The following TBC1D30 variants were observed in gnomAD, a reference collection of about 807,000 sequenced individuals.
The protein encoded by TBC1D30 is TBC1 domain family member 30, also known as TBC1 domain family, member 30.
A neutral mutation model predicts 63.2 loss-of-function variants in TBC1D30; 31 were observed. The ratio of observed to expected loss-of-function variants is 0.49; its 90% CI spans 0.37 to 0.66. TBC1D30 has a LOEUF of 0.66. Among genes scored for constraint, TBC1D30 ranks in the 30% least tolerant of loss-of-function variants. The probability of loss-of-function intolerance (pLI) is 0.00; values close to 1 mark genes in which losing one functional copy is unlikely to be tolerated. For synonymous variants in TBC1D30, 307 were observed against 361.5 expected (o/e 0.85, Z 1.71); for missense variants, 810 against 953.6 (o/e 0.85, Z 1.98).
intron 1 of TBC1D30, among the ~76,000 whole-genome samples, chr12:64,761,156 T>C (rs1592516695): frequency 6.6e-6 from 1 of 152,240 alleles, no homozygotes; most frequent in Non-Finnish European, 1.5e-5. Context: ...GAATAACTAA[T>C]CCTTCTGTAT....
chr12:64,860,200 T>C (rs1458036175), intron 8 of TBC1D30, among the ~76,000 whole-genome samples: 1 of 152,094 alleles, frequency 6.6e-6, no homozygotes, highest in Admixed American at 6.6e-5. Context: ...AAATTTTTTG[T>C]AGAGATGGGG....
chr12:64,795,134 A>T (rs1055927539), intron 2 of TBC1D30, among the ~76,000 whole-genome samples: 1 of 152,054 alleles, frequency 6.6e-6, no homozygotes, highest in Admixed American at 6.5e-5. Context: ...ATTGACTTTG[A>T]GCTTCATTGA....
intron 8 of TBC1D30, among the ~76,000 whole-genome samples, chr12:64,862,229 CCT>C (rs950592228): frequency 6.6e-6 from 1 of 152,072 alleles, no homozygotes; most frequent in African/African-American, 2.4e-5. Flanking sequence ...TTTCCGACAC[CCT>C]GAGTGCTATG....
At chr12:64,831,006 A>C (rs1332314754) in intron 4 of TBC1D30, among the ~76,000 whole-genome samples, 1 of 152,202 alleles carries the variant, frequency 6.6e-6, no homozygotes, top group Non-Finnish European at 1.5e-5. Context: ...GGATTATTAC[A>C]GTTGAACAGA....
intron 11 of TBC1D30, among the ~76,000 whole-genome samples, chr12:64,872,895 C>T (rs1158635720): frequency 6.6e-6 from 1 of 152,160 alleles, no homozygotes; most frequent in Admixed American, 6.5e-5. Flanking sequence ...TCTGCACTAT[C>T]ATGAGAACAG....
intron 1 of TBC1D30, among the ~76,000 whole-genome samples, chr12:64,767,620 G>A (rs1233601203): frequency 6.6e-6 from 1 of 152,006 alleles, no homozygotes; most frequent in East Asian, 1.9e-4. Flanking sequence ...GTCACAATAT[G>A]TAACTATGTG....
Position 64,827,814 on chromosome 12 carries a change from A to G in TBC1D30, c.155-21A>G, listed in dbSNP as rs1048296894. 6 of 1,487,080 alleles carry G rather than the reference A, an allele frequency of 4.0e-6. No homozygotes were observed. The African/African-American group carries it at 5.6e-5, about 14-fold the overall frequency. The allele number at this position is 1,487,080 out of a possible 1,614,324, so 92.1% of individuals were successfully genotyped here. On this transcript the variant is annotated intron_variant, in intron 1 of 11. Transcript: ENST00000539867. ...GTTATAGTCTCCAAAAATAACATCT[A>G]TTTATGTATTTTTCTTTCAGGAGTT...
At chr12:64,780,223 A>C (rs974884762), upstream of TBC1D30, among the ~76,000 whole-genome samples, 1 of 152,204 alleles carries the variant, frequency 6.6e-6, no homozygotes, top group African/African-American at 2.4e-5. Context: ...TAGAAAGCTT[A>C]TTGTCAGAGA....
intron 11 of TBC1D30, among the ~76,000 whole-genome samples, chr12:64,872,011 T>C (rs1878696220): frequency 6.6e-6 from 1 of 152,216 alleles, no homozygotes; most frequent in Admixed American, 6.5e-5. Context: ...CTACCTGTTT[T>C]TGTAAATACA....
intron 1 of TBC1D30, among the ~76,000 whole-genome samples, chr12:64,768,931 C>T (rs1870808563): frequency 1.3e-5 from 2 of 152,014 alleles, no homozygotes; most frequent in South Asian, 2.1e-4. Flanking sequence ...CTGAGGCAGG[C>T]GGATTGCCTG....
At chr12:64,792,113 T>A (rs1486569423) in intron 2 of TBC1D30, among the ~76,000 whole-genome samples, 1 of 152,218 alleles carries the variant, frequency 6.6e-6, no homozygotes, top group Non-Finnish European at 1.5e-5. Flanking sequence ...ACTTAAAATA[T>A]CTTTTATTAT....
intron 1 of TBC1D30, among the ~76,000 whole-genome samples, chr12:64,762,848 A>C (rs1433975639): frequency 6.6e-6 from 1 of 152,200 alleles, no homozygotes; most frequent in Non-Finnish European, 1.5e-5. Flanking sequence ...GTGATAATTC[A>C]GAAAAATTAT....
At chr12:64,798,705 T>C (rs918861922) in intron 2 of TBC1D30, among the ~76,000 whole-genome samples, 2 of 152,120 alleles carry the variant, frequency 1.3e-5, no homozygotes, top group Non-Finnish European at 2.9e-5. Flanking sequence ...TCTCTGTGTA[T>C]GCAGATCCTC....
At chr12:64,777,058 CCATT>C (rs1335917976), upstream of TBC1D30, among the ~76,000 whole-genome samples, 1 of 152,158 alleles carries the variant, frequency 6.6e-6, no homozygotes, top group Non-Finnish European at 1.5e-5. Flanking sequence ...AATTCAACAT[CCATT>C]CATGTTAAAA....
At chr12:64,830,128 G>A (rs547056442) in intron 3 of TBC1D30, among the ~76,000 whole-genome samples, 2 of 152,200 alleles carry the variant, frequency 1.3e-5, no homozygotes, top group South Asian at 4.1e-4. Context: ...CCTAATGCCT[G>A]GATTGCTGCT....
intron 1 of TBC1D30, among the ~76,000 whole-genome samples, chr12:64,782,679 G>A (rs1871353735): frequency 6.6e-6 from 1 of 152,210 alleles, no homozygotes; most frequent in African/African-American, 2.4e-5. Context: ...GCAGACTAAA[G>A]TTTAAAGAAG....
At chr12:64,829,702 A>G (rs1271284096) in intron 3 of TBC1D30, among the ~76,000 whole-genome samples, 3 of 152,360 alleles carry the variant, frequency 2.0e-5, no homozygotes, top group African/African-American at 4.8e-5. Flanking sequence ...CCAAAACTTG[A>G]AATACACACT....
intron 8 of TBC1D30, among the ~76,000 whole-genome samples, chr12:64,853,091 C>A (rs1877012905): frequency 6.6e-6 from 1 of 152,214 alleles, no homozygotes; most frequent in South Asian, 2.1e-4. Context: ...GCGCCCACAG[C>A]TGCCCCTTCC....
intron 2 of TBC1D30, among the ~76,000 whole-genome samples, chr12:64,800,290 G>A (rs1057373157): frequency 5.9e-5 from 9 of 152,326 alleles, no homozygotes; most frequent in African/African-American, 1.9e-4. Context: ...AGTGGCAGAA[G>A]TTGAGACTGG....
Sources: gnomAD v4.1 joint callset for allele counts (sites outside exome capture counted in the v4.1 genomes callset) on GRCh38, gnomAD v4.1.1 for gene constraint, MANE v1.5 for transcripts, NCBI Gene and HGNC (gene_info 2026-07-23, HGNC 2026-07-21) for gene names.